Variants in NRK observed in about 807,000 individuals in gnomAD.
The protein encoded by NRK is Nik related kinase.
In NRK, 67 loss-of-function variants were observed where a neutral mutation model predicts 125.2. That is an observed-to-expected ratio of 0.54 (90% CI 0.44 to 0.66). The LOEUF is 0.66. NRK is among the 30% of genes least tolerant of loss of function. The pLI is 0.00. For synonymous variants in NRK, 458 were observed against 429.0 expected, an observed-to-expected ratio of 1.07 and a Z score of -0.84; for missense variants, 1,224 against 1,192.9, an observed-to-expected ratio of 1.03 and a Z score of -0.38.
chrX:105,887,876 T>C (rs1402076320), intron 4 of NRK, among the ~76,000 whole-genome samples: 5 of 112,075 alleles, frequency 4.5e-5, no homozygotes, highest in Admixed American at 9.5e-5. Context: ...TAAAATTGAT[T>C]GTGGTGATGA....
chrX:105,935,136 T>G lies in NRK; in HGVS notation c.3500-34T>G, dbSNP rs2040644613. 5 of 1,096,613 alleles carry G rather than the reference T, an allele frequency of 4.6e-6. No homozygotes were observed. The East Asian group carries it at 1.5e-4, about 33-fold the overall frequency. The allele number at this position is 1,096,613 out of a possible 1,213,427, so 90.4% of individuals were successfully genotyped here. ...ACTCCATCATGCACAGAACTAGTAATTTCCCTTATTATCTTCCCCTTACAT... is the reference window on the plus strand; with the variant it reads ...ACTCCATCATGCACAGAACTAGTAAGTTCCCTTATTATCTTCCCCTTACAT... On this transcript the variant is annotated intron_variant, in intron 20 of 28. Coordinates refer to ENST00000243300, the MANE Select transcript of NRK (RefSeq NM_198465.4).
At chrX:105,951,389 A>C (rs1268730973) in intron 27 of NRK, among the ~76,000 whole-genome samples, 1 of 111,322 alleles carries the variant, frequency 9.0e-6, no homozygotes, top group Non-Finnish European at 1.9e-5. Context: ...AAAAAAAGCT[A>C]CTTTAAGTTG....
At chrX:105,890,696 A>T (rs186213163) in intron 5 of NRK, among the ~76,000 whole-genome samples, 17 of 111,543 alleles carry the variant, frequency 1.5e-4, no homozygotes, top group African/African-American at 5.2e-4. Flanking sequence ...AAATCTCGTG[A>T]CACTTATTCA....
Position 105,956,201 on chromosome X carries a change from G to A in NRK, c.*601G>A, listed in dbSNP as rs1231380411. 9.0e-6 allele frequency: 1 copy of A among 111,570 alleles called. No individual in the cohort carries two copies. Among genetic ancestry groups the A allele is most frequent in the Non-Finnish European group, 1.9e-5 (1 of 53,038 alleles). 9.2% of individuals were successfully genotyped at this position (111,570 alleles called of 1,213,427 possible). The stretch of plus-strand genomic sequence containing the variant: ...CAATTAAGCCTACAGTTAAAGACCA[G>A]TTTTGTTCTTTTCACCCATTTTTAA... On this transcript the variant is annotated 3_prime_UTR_variant, in exon 29 of 29. Coordinates refer to ENST00000243300, the MANE Select transcript of NRK (RefSeq NM_198465.4).
chrX:105,824,016 A>G (rs1327366767), intron 1 of NRK, among the ~76,000 whole-genome samples: 4 of 112,370 alleles, frequency 3.6e-5, no homozygotes, highest in Admixed American at 9.4e-5. Context: ...TGATTATGAC[A>G]GAAGCCTGCC....
At chrX:105,861,294 A>C (rs1228244678) in intron 2 of NRK, among the ~76,000 whole-genome samples, 2 of 112,134 alleles carry the variant, frequency 1.8e-5, no homozygotes, top group Admixed American at 1.9e-4. Flanking sequence ...CATTCAGATC[A>C]TTTGTCAGTA....
At chrX:105,905,895 A>G (rs1389868295) in intron 10 of NRK, among the ~76,000 whole-genome samples, 1 of 112,035 alleles carries the variant, frequency 8.9e-6, no homozygotes, top group Non-Finnish European at 1.9e-5. Context: ...ATTGGAATTC[A>G]ATTTAACCCT....
Position 105,946,019 on chromosome X carries a change from AG to A in NRK, c.4203+6del. The A allele has an allele frequency of 8.3e-7, 1 of 1,204,889 alleles. No homozygotes were observed. The highest frequency in any genetic ancestry group is 1.8e-5 in the South Asian group (1 of 56,060). On this transcript the variant is annotated splice_donor_5th_base_variant and intron_variant, in intron 25 of 28. Transcript: ENST00000243300. ...CCTTCATTTGCTGAAGCTCAAGGCA[AG>A]GAACTTGAAGACAGCAAACAGAATG...
intron 26 of NRK, among the ~76,000 whole-genome samples, chrX:105,947,210 G>A (rs1378295776): frequency 3.5e-5 from 2 of 56,897 alleles, no homozygotes; most frequent in Non-Finnish European, 5.9e-5. Context: ...TTGGGAGGCC[G>A]AGGCGGGCGG....
chrX:105,937,213 G>A (rs2040676887), intron 21 of NRK, among the ~76,000 whole-genome samples: 1 of 109,780 alleles, frequency 9.1e-6, no homozygotes, highest in African/African-American at 3.3e-5. Context: ...CACAGTATGA[G>A]GTGAATATAG....
intron 9 of NRK, 35 bp from the exon 10 acceptor site, chrX:105,905,230 T>A: frequency 9.4e-7 from 1 of 1,059,516 alleles, no homozygotes; most frequent in Non-Finnish European, 1.3e-6. Context: ...GTTACCCTTC[T>A]CATTCTTTCT....
chrX:105,824,446 G>T (rs1369875617), intron 1 of NRK, among the ~76,000 whole-genome samples: 1 of 110,615 alleles, frequency 9.0e-6, no homozygotes, highest in Non-Finnish European at 1.9e-5. Flanking sequence ...TGGGAAAAGA[G>T]AAAAAAAGCA....
chrX:105,929,338 A>G (rs2040564980), intron 19 of NRK, among the ~76,000 whole-genome samples: 1 of 111,642 alleles, frequency 9.0e-6, no homozygotes, highest in African/African-American at 3.2e-5. Flanking sequence ...TTTACATGGA[A>G]TATCTTTTTC....
At chrX:105,900,769 T>C in intron 9 of NRK, 97 bp downstream of exon 9, 1 of 535,500 alleles carries the variant, frequency 1.9e-6, no homozygotes. Flanking sequence ...GATTGCCACT[T>C]GTACCACTCA....
intron 5 of NRK, 30 bp from the exon 6 acceptor site, chrX:105,893,802 A>T: frequency 1.0e-6 from 1 of 964,938 alleles, no homozygotes; most frequent in South Asian, 2.0e-5. Context: ...TTGGACACTA[A>T]TTTTTTATAC....
chrX:105,852,243 G>A (rs2039481428), intron 2 of NRK, among the ~76,000 whole-genome samples: 1 of 111,476 alleles, frequency 9.0e-6, no homozygotes, highest in Admixed American at 9.6e-5. Flanking sequence ...GCAAGCACAG[G>A]ATCCTAGTCT....
At chrX:105,912,813 T>A in intron 14 of NRK, 58 bp downstream of exon 14, 1 of 581,355 alleles carries the variant, frequency 1.7e-6, no homozygotes, top group Non-Finnish European at 2.6e-6. Context: ...CAGTGGTTCT[T>A]AAACTTTTTG....
At chrX:105,868,711 C>T (rs184963488) in intron 2 of NRK, among the ~76,000 whole-genome samples, 2 of 105,936 alleles carry the variant, frequency 1.9e-5, no homozygotes, top group Admixed American at 1.0e-4. Flanking sequence ...TCCCCCCATC[C>T]ACTTCCCCCG....
rs1192876288 is a variant in NRK at position 105,887,765 on chromosome X, A to G, written c.253-529A>G. 2.7e-5 allele frequency among the ~76,000 whole-genome samples: 3 copies of G among 112,036 alleles called. No homozygotes were observed. The Admixed American group carries it at 2.8e-4, about 11-fold the overall frequency. On this transcript the variant is annotated intron_variant, in intron 4 of 28. Coordinates refer to ENST00000243300, the MANE Select transcript of NRK (RefSeq NM_198465.4). ...AACTGATAAATCTACTGAGACATAA[A>G]GTGGATTAGTGATTGCTTAGAGTTG...
Sources: allele counts gnomAD v4.1 joint callset (sites outside exome capture counted in the v4.1 genomes callset), GRCh38; gene constraint gnomAD v4.1.1; transcripts MANE v1.5; gene names NCBI Gene and HGNC (gene_info 2026-07-23, HGNC 2026-07-21).